CCM2L: variants seen among roughly 807,000 people sequenced by gnomAD.
CCM2L encodes the protein CCM2 like scaffold protein.
In CCM2L, 36 loss-of-function variants were observed where a neutral mutation model predicts 54.1. The observed-to-expected ratio is 0.67, with a 90% CI of 0.51 to 0.88. The LOEUF is 0.88. Among genes scored for constraint, CCM2L ranks in the 40% least tolerant of loss-of-function variants. The probability of loss-of-function intolerance (pLI) is 0.00; values close to 1 mark genes in which losing one functional copy is unlikely to be tolerated. For synonymous variants in CCM2L, 351 were observed against 359.3 expected (o/e 0.98, Z 0.26); for missense variants, 700 against 812.1 (o/e 0.86, Z 1.68).
At chr20:32,018,332 TGAGACTA>T (rs994871938) in intron 4 of CCM2L, among the ~76,000 whole-genome samples, 170 bp downstream of exon 4, 1 of 151,600 alleles carries the variant, frequency 6.6e-6, no homozygotes, top group Non-Finnish European at 1.5e-5. Flanking sequence ...CATACTACCC[TGAGACTA>T]GGGGCAGGCC....
chr20:32,014,240 T>G, intron 1 of CCM2L, among the ~76,000 whole-genome samples: 1 of 141,402 alleles, frequency 7.1e-6, no homozygotes, highest in South Asian at 2.2e-4. Flanking sequence ...TATATATATG[T>G]GTGTACATAT....
chr20:32,013,490 G>A (rs1195663464), intron 1 of CCM2L, among the ~76,000 whole-genome samples: 3 of 152,236 alleles, frequency 2.0e-5, no homozygotes, highest in African/African-American at 7.2e-5. Context: ...CACCCAGGCT[G>A]GAGTACGGTG....
intron 5 of CCM2L, among the ~76,000 whole-genome samples, chr20:32,020,228 T>C (rs1208538989): frequency 2.6e-5 from 4 of 152,144 alleles, no homozygotes; most frequent in Non-Finnish European, 5.9e-5. Context: ...ATAAAAACAG[T>C]GGTGAATGAA....
intron 3 of CCM2L, 21 bp downstream of exon 3, chr20:32,017,904 G>A (rs1196856855): frequency 1.9e-6 from 3 of 1,613,314 alleles, no homozygotes; most frequent in Non-Finnish European, 1.7e-6. Context: ...GGGGAGGGAG[G>A]AGGGCAGGAT....
intron 2 of CCM2L, 51 bp from the exon 3 acceptor site, chr20:32,017,749 G>A: frequency 6.8e-7 from 1 of 1,480,120 alleles, no homozygotes. Flanking sequence ...GGTTCTTCAA[G>A]GTTTCAGGGT....
At position 32,019,095 on chromosome 20, in the gene CCM2L, TG is replaced by T; in HGVS notation, c.623del (p.Gly208ValfsTer101). ...TICSLDWRMG[W>X]GGGAAEARAG... Reference sequence around the variant, plus strand: ...CTGCAGCCTGGACTGGCGGATGGGGTGGGGTGGGGGCGCCGCGGAGGCCCGG... The same window carrying T: ...CTGCAGCCTGGACTGGCGGATGGGGTGGGTGGGGGCGCCGCGGAGGCCCGG... On this transcript the variant is annotated frameshift_variant, in exon 5 of 10. Coordinates refer to ENST00000452892, the MANE Select transcript of CCM2L (RefSeq NM_001365692.1). LOFTEE classifies it high-confidence loss of function. The T allele has an allele frequency of 8.5e-7, 1 of 1,177,282 alleles. No individual in the cohort carries two copies. Among genetic ancestry groups the T allele is most frequent in the South Asian group, 4.2e-5 (1 of 23,842 alleles). The allele number at this position is 1,177,282 out of a possible 1,614,324, so 72.9% of individuals were successfully genotyped here. A position where few individuals can be genotyped will look rare whatever the true frequency, so the allele number is the denominator to read the frequency against.
intron 4 of CCM2L, 122 bp downstream of exon 4, chr20:32,018,284 AC>A (rs2064761758): frequency 1.3e-6 from 1 of 771,522 alleles, no homozygotes; most frequent in South Asian, 2.2e-5. Context: ...AAGGAGAGGG[AC>A]CTGCGGCGGG....
rs1326908344 is a variant in CCM2L, at chr20:32,031,885, T to C, written c.*571T>C. The C allele has an allele frequency of 6.6e-6, 1 of 152,394 alleles. No individual in the cohort carries two copies. Among genetic ancestry groups the C allele is most frequent in the East Asian group, 1.9e-4 (1 of 5,180 alleles). 9.4% of individuals were successfully genotyped at this position (152,394 alleles called of 1,614,324 possible). On this transcript the variant is annotated 3_prime_UTR_variant, in exon 10 of 10. Transcript: ENST00000452892. ...GTCTCCCATCCCCTGATGCCTGACTTGTACAGTCAGTGTGGAGTAGACGGT... is the reference window on the plus strand; with the variant it reads ...GTCTCCCATCCCCTGATGCCTGACTCGTACAGTCAGTGTGGAGTAGACGGT...
chr20:32,022,409 GAT>G (rs2064813030), intron 5 of CCM2L, among the ~76,000 whole-genome samples: 2 of 152,184 alleles, frequency 1.3e-5, no homozygotes, highest in South Asian at 4.1e-4. Context: ...CAGGAAGGCT[GAT>G]GAATCCTCCA....
chr20:32,017,509 G>A (rs2064750158), intron 2 of CCM2L, among the ~76,000 whole-genome samples: 1 of 152,172 alleles, frequency 6.6e-6, no homozygotes, highest in African/African-American at 2.4e-5. Context: ...CTGGCATGTG[G>A]ATCCCAGTTT....
chr20:32,010,560 T>TGGGGGCCAATGGGGGGGGGGGG, intron 1 of CCM2L, 76 bp downstream of exon 1: 1 of 105,746 alleles, frequency 9.5e-6, no homozygotes, highest in Non-Finnish European at 1.8e-5. Flanking sequence ...TGGGGCGGGG[T>TGGGGGCCAATGGGGGGGGGGGG]GGGGGGTCGG....
At chr20:32,019,460 T>TTC in intron 5 of CCM2L, 51 bp downstream of exon 5, 1 of 1,327,610 alleles carries the variant, frequency 7.5e-7, no homozygotes, top group South Asian at 1.5e-5. Flanking sequence ...GAACGCTGCT[T>TTC]CCCCGCCCCC....
intron 1 of CCM2L, among the ~76,000 whole-genome samples, chr20:32,010,816 G>GGACA (rs1446115824): frequency 6.6e-6 from 1 of 152,038 alleles, no homozygotes; most frequent in East Asian, 1.9e-4. Context: ...TCAGACAGAC[G>GGACA]GACAGACAGA....
chr20:32,016,706 C>G lies in CCM2L; in HGVS notation c.199-1094C>G, dbSNP rs2064744454. ...TTTCAAGTTCAAATTTAACTGGCAT[C>G]CTATATTTTATCTGGCAACCCTATA... On this transcript the variant is annotated intron_variant, in intron 2 of 9. Coordinates refer to ENST00000452892, the MANE Select transcript of CCM2L (RefSeq NM_001365692.1). 2.0e-5 allele frequency among the ~76,000 whole-genome samples: 3 copies of G among 151,968 alleles called. No homozygotes were observed. In the South Asian group the frequency reaches 6.2e-4, roughly 32 times the overall value.
At chr20:32,010,843 T>A (rs2064687599) in intron 1 of CCM2L, among the ~76,000 whole-genome samples, 1 of 152,120 alleles carries the variant, frequency 6.6e-6, no homozygotes, top group African/African-American at 2.4e-5. Flanking sequence ...GCAGATCCAT[T>A]CTCCTGCTCG....
chr20:32,011,322 G>T (rs1021503474), intron 1 of CCM2L, among the ~76,000 whole-genome samples: 1 of 152,106 alleles, frequency 6.6e-6, no homozygotes, highest in African/African-American at 2.4e-5. Context: ...TTGCATAGAA[G>T]GGCCGGGTGC....
chr20:32,029,079 C>G lies in CCM2L; in HGVS notation c.1218C>G (p.Asp406Glu). The G allele has an allele frequency of 6.2e-7, 1 of 1,614,194 alleles. No individual in the cohort carries two copies. The highest frequency in any genetic ancestry group is 8.5e-7 in the Non-Finnish European group (1 of 1,180,034). Residue 406 changes from aspartate to glutamate, a missense_variant, in exon 8 of 10, where the codon GAC becomes GAG. Transcript: ENST00000452892. ...SFHGSHCSGS[D>E]HSSLGLEQLQ... ...ATGGCTCCCACTGCAGCGGCAGCGA[C>G]CACAGCAGTCTGGGCTTGGAGCAGT...
intron 3 of CCM2L, 30 bp from the exon 4 acceptor site, chr20:32,017,949 C>G: frequency 6.2e-7 from 1 of 1,613,264 alleles, no homozygotes; most frequent in Non-Finnish European, 8.5e-7. Context: ...CTGCGGACCT[C>G]GGGAACTCGA....
rs1337338828 is a variant in CCM2L at position 32,019,130 on chromosome 20, A to AGGC, written c.664_666dup (p.Gly222dup). ...GCGCCGCGGAGGCCCGGGCCGGGGGAGGCGGCGGCGGCAGCTTGGAGCGCC... is the reference window on the plus strand; with the variant it reads ...GCGCCGCGGAGGCCCGGGCCGGGGGAGGCGGCGGCGGCGGCAGCTTGGAGCGCC... On this transcript the variant is annotated inframe_insertion, in exon 5 of 10. Transcript: ENST00000452892. 3.3e-3 allele frequency: 3,832 copies of AGGC among 1,144,504 alleles called. 114 individuals carry two copies. The African/African-American group carries it at 0.058, about 17-fold the overall frequency. 70.9% of individuals were successfully genotyped at this position (1,144,504 alleles called of 1,614,324 possible). A position where few individuals can be genotyped will look rare whatever the true frequency, so the allele number is the denominator to read the frequency against.
Sources: gnomAD v4.1 joint callset for allele counts (sites outside exome capture counted in the v4.1 genomes callset) on GRCh38, gnomAD v4.1.1 for gene constraint, MANE v1.5 for transcripts, NCBI Gene and HGNC (gene_info 2026-07-23, HGNC 2026-07-21) for gene names.